The following ARFGEF1 variants were observed in gnomAD, a reference collection of about 807,000 sequenced individuals.
The protein encoded by ARFGEF1 is ARF guanine nucleotide exchange factor 1.
A neutral mutation model predicts 231.0 loss-of-function variants in ARFGEF1; 42 were observed. The ratio of observed to expected loss-of-function variants is 0.18; its 90% CI spans 0.14 to 0.24. The LOEUF (loss-of-function observed/expected upper bound fraction) is 0.24. ARFGEF1 is among the 10% of genes least tolerant of loss of function. ARFGEF1 has a pLI of 1.00. For missense variants in ARFGEF1, 1,345 were observed against 2,192.0 expected (o/e 0.61, Z 7.72); for synonymous variants, 710 against 732.3 (o/e 0.97, Z 0.49).
At position 67,216,671 on chromosome 8, in the gene ARFGEF1, T is replaced by C. The variant is rs371274123; in HGVS notation, c.4614-9A>G. 106 of 1,596,526 alleles carry C rather than the reference T, an allele frequency of 6.6e-5. No individual in the cohort carries two copies. The African/African-American group carries it at 1.3e-3, about 20-fold the overall frequency. On this transcript the variant is annotated splice_polypyrimidine_tract_variant and intron_variant, in intron 32 of 38. Coordinates refer to ENST00000262215, the MANE Select transcript of ARFGEF1 (RefSeq NM_006421.5). ...GTCGCCAGGTCAACAGCCTTTAAGA[T>C]ACCAAAACCACGTCAATCACTAGGG...
At position 67,247,722 on chromosome 8, in the gene ARFGEF1, GAA is replaced by G. The variant is rs1370933034; in HGVS notation, c.2850+3575_2850+3576del. On this transcript the variant is annotated intron_variant, in intron 19 of 38. Transcript: ENST00000262215. ...CTGAAAGAACTAGCTGGAGGAATCA[GAA>G]AAGAGAAAGAAATAAAAGACATCCG... Among the ~76,000 whole-genome samples, 21 of 150,504 alleles carry G rather than the reference GAA, an allele frequency of 1.4e-4. No individual in the cohort carries two copies. The South Asian group carries it at 3.8e-3, about 27-fold the overall frequency.
intron 19 of ARFGEF1, among the ~76,000 whole-genome samples, chr8:67,249,985 G>T (rs1840226773): frequency 6.6e-6 from 1 of 152,202 alleles, no homozygotes; most frequent in Admixed American, 6.5e-5. Context: ...CTAGACAAAG[G>T]ACATACCTCA....
At chr8:67,268,592 T>TA (rs1472963575) in intron 10 of ARFGEF1, among the ~76,000 whole-genome samples, 1 of 152,090 alleles carries the variant, frequency 6.6e-6, no homozygotes, top group Non-Finnish European at 1.5e-5. Flanking sequence ...GTTGCTATGA[T>TA]AAAAAACCAA....
At chr8:67,236,893 ATT>A (rs2128877438) in intron 22 of ARFGEF1, among the ~76,000 whole-genome samples, 1 of 152,280 alleles carries the variant, frequency 6.6e-6, no homozygotes, top group South Asian at 2.1e-4. Flanking sequence ...CAGTACATGA[ATT>A]AATTTTAATT....
intron 10 of ARFGEF1, among the ~76,000 whole-genome samples, chr8:67,271,369 TAAAC>T (rs1360672150): frequency 2.0e-5 from 3 of 152,310 alleles, no homozygotes; most frequent in African/African-American, 7.2e-5. Context: ...TCTTTTAAGA[TAAAC>T]AAATGTATTC....
chr8:67,261,794 G>A (rs1022221863), intron 14 of ARFGEF1, among the ~76,000 whole-genome samples: 3 of 150,160 alleles, frequency 2.0e-5, no homozygotes, highest in Non-Finnish European at 4.4e-5. Context: ...ATGAGCCACC[G>A]TGCCCTTTCC....
At chr8:67,323,574 A>C (rs910714798) in intron 1 of ARFGEF1, among the ~76,000 whole-genome samples, 2 of 152,176 alleles carry the variant, frequency 1.3e-5, no homozygotes, top group African/African-American at 4.8e-5. Context: ...TTTTTGGTGA[A>C]CAGATCCAAC....
chr8:67,307,167 T>C (rs1434876448), intron 1 of ARFGEF1, among the ~76,000 whole-genome samples: 1 of 152,230 alleles, frequency 6.6e-6, no homozygotes, highest in Non-Finnish European at 1.5e-5. Context: ...AGTCTATATA[T>C]CAATTACCAT....
chr8:67,271,690 T>G lies in ARFGEF1; in HGVS notation c.1572+12A>C, dbSNP rs771864949. 13 of 1,572,368 alleles carry G rather than the reference T, an allele frequency of 8.3e-6. No individual in the cohort carries two copies. On this transcript the variant is annotated intron_variant, in intron 10 of 38. Coordinates refer to ENST00000262215, the MANE Select transcript of ARFGEF1 (RefSeq NM_006421.5). ...ATCCAATAGTAACATTATGCCTAAA[T>G]GCAAAACGTACCTCAATTTGCATCT...
intron 5 of ARFGEF1, among the ~76,000 whole-genome samples, chr8:67,188,994 G>A (rs897701349): frequency 4.6e-5 from 7 of 152,178 alleles, no homozygotes; most frequent in Non-Finnish European, 7.3e-5. Flanking sequence ...CTTGGAAGCG[G>A]CCCTCCACCA....
intron 29 of ARFGEF1, among the ~76,000 whole-genome samples, chr8:67,223,870 G>T (rs1212469933): frequency 6.6e-6 from 1 of 152,086 alleles, no homozygotes. Flanking sequence ...GTTCCTAACA[G>T]GTCCACTGAT....
At chr8:67,298,004 C>T (rs1021600272) in intron 4 of ARFGEF1, among the ~76,000 whole-genome samples, 2 of 152,044 alleles carry the variant, frequency 1.3e-5, no homozygotes, top group Non-Finnish European at 2.9e-5. Flanking sequence ...CAGGGTCTTG[C>T]TGTGTTGCCC....
At chr8:67,337,611 T>A (rs79929200) in intron 1 of ARFGEF1, among the ~76,000 whole-genome samples, 2,451 of 151,380 alleles carry the variant, frequency 0.016, 66 homozygotes, top group African/African-American at 0.057. Context: ...CCTCCTTGCA[T>A]CCTGAAACAC....
At chr8:67,291,589 T>C (rs1419478153) in intron 6 of ARFGEF1, among the ~76,000 whole-genome samples, 2 of 152,138 alleles carry the variant, frequency 1.3e-5, no homozygotes, top group Non-Finnish European at 2.9e-5. Flanking sequence ...TCTTTAGAAA[T>C]ATATCTGCGC....
chr8:67,236,368 AT>A (rs1839762242), intron 22 of ARFGEF1, among the ~76,000 whole-genome samples: 97 of 26,166 alleles, frequency 3.7e-3, no homozygotes, highest in Non-Finnish European at 4.5e-3. Flanking sequence ...AAAAAAAAAT[AT>A]ATATATATAT....
intron 29 of ARFGEF1, among the ~76,000 whole-genome samples, chr8:67,222,607 C>T (rs112827090): frequency 6.6e-6 from 1 of 152,056 alleles, no homozygotes; most frequent in Non-Finnish European, 1.5e-5. Flanking sequence ...CGCACCACCA[C>T]GCCTCGCTAA....
At chr8:67,300,644 G>T (rs1375348082) in intron 3 of ARFGEF1, among the ~76,000 whole-genome samples, 1 of 116,554 alleles carries the variant, frequency 8.6e-6, no homozygotes, top group Non-Finnish European at 1.7e-5. Context: ...CCAACATGGT[G>T]AAACTCTTGT....
rs1239899195 is a variant in ARFGEF1 at position 67,311,427 on chromosome 8, C to A, written c.125-8961G>T. Among the ~76,000 whole-genome samples, 1,334 of 138,730 alleles carry A rather than the reference C, an allele frequency of 9.6e-3. 37 individuals carry two copies. The highest frequency in any genetic ancestry group is 0.035 in the African/African-American group (1,270 of 35,964). The allele number at this position is 138,730 out of a possible 152,430, so 91.0% of individuals were successfully genotyped here. ...TCCGGGAGGGAGGTGGGGGGTCAGC[C>A]CCCCGCCCGGCCAGCCGCCCCATCA... On this transcript the variant is annotated intron_variant, in intron 1 of 38. Coordinates refer to ENST00000262215, the MANE Select transcript of ARFGEF1 (RefSeq NM_006421.5).
At chr8:67,210,603 C>T (rs1036649040) in intron 34 of ARFGEF1, among the ~76,000 whole-genome samples, 1 of 152,120 alleles carries the variant, frequency 6.6e-6, no homozygotes, top group Non-Finnish European at 1.5e-5. Context: ...GCAGACAGAA[C>T]ATGGGGTTGG....
Sources: allele counts gnomAD v4.1 joint callset (sites outside exome capture counted in the v4.1 genomes callset), GRCh38; gene constraint gnomAD v4.1.1; transcripts MANE v1.5; gene names NCBI Gene and HGNC (gene_info 2026-07-23, HGNC 2026-07-21).